Variants in GNAL observed in about 807,000 individuals in gnomAD.
GNAL encodes guanine nucleotide-binding protein G(olf) subunit alpha.
In GNAL, 18 loss-of-function variants were observed where a neutral mutation model predicts 55.1. The ratio of observed to expected loss-of-function variants is 0.33; its 90% confidence interval spans 0.23 to 0.48. The LOEUF is 0.48. Ranked by LOEUF, GNAL falls within the 20% of genes least tolerant of loss-of-function variation. The probability of loss-of-function intolerance (pLI) is 0.99; values close to 1 mark genes in which losing one functional copy is unlikely to be tolerated. For synonymous variants in GNAL, 253 were observed against 237.0 expected (o/e 1.07, Z -0.62); for missense variants, 412 against 614.1 (o/e 0.67, Z 3.48).
At chr18:11,790,874 G>A (rs181879514) in intron 4 of GNAL, among the ~76,000 whole-genome samples, 1 of 152,072 alleles carries the variant, frequency 6.6e-6, no homozygotes, top group African/African-American at 2.4e-5. Flanking sequence ...AGCCAGGATG[G>A]TCTTGATCTC....
chr18:11,785,242 G>T (rs1311019422), intron 4 of GNAL, among the ~76,000 whole-genome samples: 1 of 151,772 alleles, frequency 6.6e-6, no homozygotes, highest in Admixed American at 6.6e-5. Context: ...GTACCTGAAA[G>T]TTGGGATAAA....
intron 10 of GNAL, among the ~76,000 whole-genome samples, chr18:11,876,386 C>T (rs927951637): frequency 7.9e-5 from 12 of 151,962 alleles, no homozygotes; most frequent in South Asian, 2.1e-4. Context: ...TCACTTGAAC[C>T]GGGGAGGTGG....
At chr18:11,815,968 A>G (rs1422332395) in intron 4 of GNAL, among the ~76,000 whole-genome samples, 1 of 152,208 alleles carries the variant, frequency 6.6e-6, no homozygotes. Flanking sequence ...AATTAAGAAA[A>G]TGAAGCCAAG....
intron 1 of GNAL, among the ~76,000 whole-genome samples, chr18:11,715,474 A>C (rs1003180001): frequency 6.6e-6 from 1 of 151,704 alleles, no homozygotes; most frequent in Non-Finnish European, 1.5e-5. Flanking sequence ...AAAAAAAAAA[A>C]AAAAGAAAAG....
intron 1 of GNAL, among the ~76,000 whole-genome samples, chr18:11,731,562 T>C (rs937595946): frequency 2.6e-5 from 4 of 152,248 alleles, no homozygotes; most frequent in Non-Finnish European, 4.4e-5. Flanking sequence ...AATATAGTCC[T>C]TGACAAAACA....
intron 1 of GNAL, among the ~76,000 whole-genome samples, chr18:11,709,304 T>C (rs1247207873): frequency 6.7e-6 from 1 of 149,660 alleles, no homozygotes; most frequent in Admixed American, 6.8e-5. Flanking sequence ...TCCTTCTGAG[T>C]TTTAGGACTG....
intron 5 of GNAL, among the ~76,000 whole-genome samples, chr18:11,838,971 A>C (rs984671524): frequency 5.3e-5 from 8 of 152,184 alleles, no homozygotes; most frequent in African/African-American, 1.7e-4. Context: ...AGTGCGTGAC[A>C]CAGTAACATA....
intron 4 of GNAL, among the ~76,000 whole-genome samples, chr18:11,792,846 A>G (rs557042164): frequency 5.9e-5 from 9 of 152,364 alleles, no homozygotes; most frequent in Admixed American, 4.6e-4. Flanking sequence ...CAACTTCCAT[A>G]TGACAGAGGA....
At chr18:11,880,301 G>A (rs907817498) in intron 11 of GNAL, among the ~76,000 whole-genome samples, 1 of 149,444 alleles carries the variant, frequency 6.7e-6, no homozygotes, top group Non-Finnish European at 1.5e-5. Flanking sequence ...GGGCACAGTG[G>A]CTCATGCCTA....
At chr18:11,829,752 G>T (rs1220473351) in intron 5 of GNAL, among the ~76,000 whole-genome samples, 1 of 152,216 alleles carries the variant, frequency 6.6e-6, no homozygotes, top group East Asian at 1.9e-4. Context: ...GCTCACGCCT[G>T]TAATCCCAGC....
At chr18:11,860,352 C>A (rs2036103793) in intron 5 of GNAL, among the ~76,000 whole-genome samples, 2 of 152,144 alleles carry the variant, frequency 1.3e-5, no homozygotes, top group African/African-American at 2.4e-5. Context: ...CTCTAGCTTT[C>A]CAAAAGGAAG....
chr18:11,802,170 A>G (rs1461068043), intron 4 of GNAL, among the ~76,000 whole-genome samples: 1 of 152,186 alleles, frequency 6.6e-6, no homozygotes, highest in Non-Finnish European at 1.5e-5. Context: ...AATAAAGAGT[A>G]TGCTCCTTAC....
chr18:11,813,896 TA>T (rs963006114), intron 4 of GNAL, among the ~76,000 whole-genome samples: 4 of 151,526 alleles, frequency 2.6e-5, no homozygotes, highest in East Asian at 1.9e-4. Context: ...ATTTAAAAAT[TA>T]AAAAAAAATT....
At chr18:11,859,771 A>C (rs2036089531) in intron 5 of GNAL, among the ~76,000 whole-genome samples, 1 of 150,094 alleles carries the variant, frequency 6.7e-6, no homozygotes, top group East Asian at 2.0e-4. Context: ...TTTGAGACGG[A>C]GTCTCACTCT....
intron 4 of GNAL, among the ~76,000 whole-genome samples, chr18:11,795,211 C>A (rs556765011): frequency 3.3e-4 from 50 of 152,028 alleles, no homozygotes; most frequent in African/African-American, 1.2e-3. Flanking sequence ...ACCAACCTGG[C>A]CAACATGGCA....
intron 4 of GNAL, among the ~76,000 whole-genome samples, chr18:11,803,811 T>C (rs1483873396): frequency 2.0e-5 from 3 of 150,376 alleles, no homozygotes; most frequent in Admixed American, 6.7e-5. Flanking sequence ...GAAGTACAGG[T>C]GCAGTTTGGA....
At chr18:11,743,145 A>G (rs2032615003) in intron 1 of GNAL, among the ~76,000 whole-genome samples, 1 of 152,208 alleles carries the variant, frequency 6.6e-6, no homozygotes. Flanking sequence ...CTGAATTCCA[A>G]CATGGGATCA....
At chr18:11,847,078 C>G (rs1202313106) in intron 5 of GNAL, among the ~76,000 whole-genome samples, 1 of 151,444 alleles carries the variant, frequency 6.6e-6, no homozygotes, top group African/African-American at 2.4e-5. Context: ...AAAATGGTCA[C>G]CAAGTGAATA....
Position 11,761,627 on chromosome 18 carries a change from G to A in GNAL, c.624+7682G>A, listed in dbSNP as rs182842019. On this transcript the variant is annotated intron_variant, in intron 4 of 11. Coordinates refer to ENST00000334049, the MANE Select transcript of GNAL (RefSeq NM_182978.4). Reference sequence around the variant, plus strand: ...GGTGCCTGGAACTCCCCTGGATTTTGCAGATTTCTATGGGATTTTTTGCCT... The same window carrying A: ...GGTGCCTGGAACTCCCCTGGATTTTACAGATTTCTATGGGATTTTTTGCCT... Among the ~76,000 whole-genome samples the A allele has an allele frequency of 3.1e-3, 468 of 152,296 alleles. 10 individuals are homozygous for A. Among genetic ancestry groups the A allele is most frequent in the Admixed American group, 0.025 (380 of 15,304 alleles).
Sources: allele counts gnomAD v4.1 joint callset (sites outside exome capture counted in the v4.1 genomes callset), GRCh38; gene constraint gnomAD v4.1.1; transcripts MANE v1.5; gene names NCBI Gene and HGNC (gene_info 2026-07-23, HGNC 2026-07-21).